SNTG1: variants seen among roughly 807,000 people sequenced by gnomAD.
SNTG1 encodes syntrophin gamma 1.
Under a neutral mutation model 74.7 loss-of-function variants are expected in SNTG1, and 39 were observed. The observed-to-expected ratio is 0.52, with a 90% confidence interval of 0.40 to 0.68. SNTG1 has a LOEUF of 0.68. Among genes scored for constraint, SNTG1 ranks in the 30% least tolerant of loss-of-function variants. SNTG1 has a pLI of 0.00. For synonymous variants in SNTG1, 254 were observed against 217.1 expected (o/e 1.17, Z -1.49); for missense variants, 685 against 609.5 (o/e 1.12, Z -1.30).
chr8:49,982,603 C>CAAA (rs33971834), intron 1 of SNTG1, among the ~76,000 whole-genome samples: 14,260 of 125,854 alleles, frequency 0.11, 1,051 homozygotes, highest in South Asian at 0.2. Context: ...GAGGCTGAAG[C>CAAA]AAAAAAAAAA....
chr8:50,536,802 T>C lies in SNTG1; in HGVS notation c.674T>C (p.Leu225Ser). Residue 225 changes from leucine (L) to serine (S), a missense_variant, in exon 11 of 19, where the codon TTG (leucine) becomes TCG (serine). Coordinates refer to ENST00000642720, the MANE Select transcript of SNTG1 (RefSeq NM_018967.5). ...TCTCAGTATGTGCCCGGCACAGATT[T>C]GAGTCGGTGAGTCCGTGTTTAGGAG... is the stretch of plus-strand genomic sequence containing the variant. ...RFSQYVPGTD[L>S]SRQNAFQVIA... 6.2e-7 allele frequency: 1 copy of C among 1,613,884 alleles called. No individual in the cohort carries two copies. Among genetic ancestry groups the C allele is most frequent in the Non-Finnish European group, 8.5e-7 (1 of 1,179,776 alleles).
chr8:50,259,001 C>T (rs967398271), intron 2 of SNTG1, among the ~76,000 whole-genome samples: 9 of 152,044 alleles, frequency 5.9e-5, no homozygotes, highest in African/African-American at 2.2e-4. Flanking sequence ...CTATACATAT[C>T]ACAGTAAAAA....
At chr8:50,690,871 G>T (rs1272166470) in intron 15 of SNTG1, among the ~76,000 whole-genome samples, 3 of 152,094 alleles carry the variant, frequency 2.0e-5, no homozygotes, top group Non-Finnish European at 4.4e-5. Context: ...CGTTATTATT[G>T]TGTGGGAGTC....
At chr8:50,780,411 T>C (rs1316291526) in intron 18 of SNTG1, among the ~76,000 whole-genome samples, 1 of 152,242 alleles carries the variant, frequency 6.6e-6, no homozygotes, top group African/African-American at 2.4e-5. Flanking sequence ...GAGAGTCAAC[T>C]TCTTCCTGGT....
intron 2 of SNTG1, among the ~76,000 whole-genome samples, chr8:50,275,687 C>A (rs1028494039): frequency 2.0e-5 from 3 of 152,236 alleles, no homozygotes; most frequent in East Asian, 3.9e-4. Flanking sequence ...CCCCAGGCAC[C>A]TTTACCTTCA....
At chr8:49,996,218 T>C (rs892309585) in intron 1 of SNTG1, among the ~76,000 whole-genome samples, 2 of 152,118 alleles carry the variant, frequency 1.3e-5, no homozygotes, top group Non-Finnish European at 2.9e-5. Context: ...ATACTGCTTG[T>C]TTTCTTCTGA....
intron 8 of SNTG1, among the ~76,000 whole-genome samples, chr8:50,483,300 G>T (rs1307558167): frequency 6.6e-6 from 1 of 152,084 alleles, no homozygotes; most frequent in African/African-American, 2.4e-5. Flanking sequence ...TGATAGAATG[G>T]ATCTATGTAT....
intron 1 of SNTG1, among the ~76,000 whole-genome samples, chr8:50,112,476 C>CA (rs1326958259): frequency 7.2e-6 from 1 of 138,808 alleles, no homozygotes; most frequent in Non-Finnish European, 1.5e-5. Flanking sequence ...AGAGGTATAT[C>CA]AAAACAGTTA....
chr8:50,674,103 C>A (rs2095298515), intron 15 of SNTG1, among the ~76,000 whole-genome samples: 1 of 151,950 alleles, frequency 6.6e-6, no homozygotes, highest in East Asian at 1.9e-4. Context: ...GATTTCACAT[C>A]AATATTCATC....
chr8:50,277,703 C>T (rs972332874), intron 2 of SNTG1, among the ~76,000 whole-genome samples: 1 of 152,124 alleles, frequency 6.6e-6, no homozygotes, highest in African/African-American at 2.4e-5. Context: ...ATACTTAATG[C>T]ATCAAAAAAT....
rs1212921145 is a variant in SNTG1 at position 50,536,680 on chromosome 8, CA to C, written c.553del (p.Thr185HisfsTer13). On this transcript the variant is annotated frameshift_variant, in exon 11 of 19. Transcript: ENST00000642720. LOFTEE classifies it high-confidence loss of function. ...HLNYHPNNTD[T>X]LSCSSWPTSP... ...TTGAATATTTATCTTCCTTTCAGGA[CA>C]CATTATCATGCTCGTCGTGGCCGAC... The C allele has an allele frequency of 6.2e-7, 1 of 1,613,436 alleles. No homozygotes were observed.
intron 2 of SNTG1, among the ~76,000 whole-genome samples, chr8:50,280,186 G>C (rs1425717776): frequency 6.6e-6 from 1 of 152,170 alleles, no homozygotes. Context: ...AATTCTGCCA[G>C]AAGTTTCACA....
At chr8:50,112,373 G>T (rs1034857837) in intron 1 of SNTG1, among the ~76,000 whole-genome samples, 5 of 152,062 alleles carry the variant, frequency 3.3e-5, no homozygotes, top group East Asian at 3.9e-4. Context: ...TGATTTGAAG[G>T]TTCATATGGT....
chr8:50,694,555 C>A (rs1420211766), intron 15 of SNTG1, among the ~76,000 whole-genome samples: 2 of 151,978 alleles, frequency 1.3e-5, no homozygotes, highest in African/African-American at 2.4e-5. Flanking sequence ...CCAAATAATT[C>A]ATGAGGGAAC....
At chr8:50,590,671 T>C (rs2130872783) in intron 12 of SNTG1, among the ~76,000 whole-genome samples, 1 of 152,242 alleles carries the variant, frequency 6.6e-6, no homozygotes, top group Middle Eastern at 3.4e-3. Flanking sequence ...CCAAACTGTT[T>C]ACATAAGAAG....
chr8:50,662,763 C>T lies in SNTG1; in HGVS notation c.1038+4100C>T, dbSNP rs74674410. Among the ~76,000 whole-genome samples, 352 of 151,402 alleles carry T rather than the reference C, an allele frequency of 2.3e-3. 2 individuals are homozygous for T. The highest frequency in any genetic ancestry group is 8.2e-3 in the African/African-American group (332 of 40,706). On this transcript the variant is annotated intron_variant, in intron 15 of 18. Transcript: ENST00000642720. The stretch of plus-strand genomic sequence containing the variant: ...CCACTTCTGTTACTAAAACATTACC[C>T]TTTATGAGTGTATTGGGCACTATGA...
intron 1 of SNTG1, among the ~76,000 whole-genome samples, chr8:49,954,198 C>G (rs1239492957): frequency 5.3e-5 from 8 of 151,920 alleles, no homozygotes; most frequent in Non-Finnish European, 1.2e-4. Flanking sequence ...GAAATACTAC[C>G]AGAGAGAGAA....
intron 4 of SNTG1, among the ~76,000 whole-genome samples, chr8:50,431,821 T>C (rs2093239867): frequency 6.6e-6 from 1 of 152,228 alleles, no homozygotes; most frequent in East Asian, 1.9e-4. Flanking sequence ...GCTATTTGCA[T>C]ATCTTTTTTG....
At chr8:50,660,419 A>AAAGG (rs2131289851) in intron 15 of SNTG1, among the ~76,000 whole-genome samples, 2 of 12,984 alleles carry the variant, frequency 1.5e-4, no homozygotes, top group African/African-American at 3.9e-4. Flanking sequence ...GAAAAGAAAG[A>AAAGG]AAGAAAGAAG....
Sources: gnomAD v4.1 joint callset for allele counts (sites outside exome capture counted in the v4.1 genomes callset) on GRCh38, gnomAD v4.1.1 for gene constraint, MANE v1.5 for transcripts, NCBI Gene and HGNC (gene_info 2026-07-23, HGNC 2026-07-21) for gene names.